MMS19: variants seen among roughly 807,000 people sequenced by gnomAD.
MMS19 encodes MMS19 nucleotide excision repair protein homolog.
Under a neutral mutation model 129.8 loss-of-function variants are expected in MMS19, and 77 were observed. That is an observed-to-expected ratio of 0.59 (90% CI 0.49 to 0.72). The LOEUF is 0.72. Among genes scored for constraint, MMS19 ranks in the 30% least tolerant of loss-of-function variants. The pLI is 0.00. For synonymous variants in MMS19, 491 were observed against 502.8 expected (o/e 0.98, Z 0.31); for missense variants, 1,168 against 1,266.3 (o/e 0.92, Z 1.18).
chr10:97,468,832 C>T, intron 12 of MMS19, 134 bp downstream of exon 12: 2 of 919,914 alleles, frequency 2.2e-6, no homozygotes, highest in Non-Finnish European at 3.2e-6. Context: ...TGGTCTTTAA[C>T]TCCTGACCTC....
At chr10:97,462,216 TCAC>T (rs2032176378) in intron 20 of MMS19, 97 bp from the exon 21 acceptor site, 2 of 818,140 alleles carry the variant, frequency 2.4e-6, no homozygotes, top group South Asian at 3.0e-5. Flanking sequence ...TGAATTAGGA[TCAC>T]CACGTCAATG....
At position 97,462,461 on chromosome 10, in the gene MMS19, G is replaced by A. The variant is rs149018664; in HGVS notation, c.2012+122C>T. 1.2e-4 allele frequency: 86 copies of A among 715,398 alleles called. No homozygotes were observed. The Middle Eastern group carries it at 1.3e-3, about 10-fold the overall frequency. The allele number at this position is 715,398 out of a possible 1,614,324, so 44.3% of individuals were successfully genotyped here. A position where few individuals can be genotyped will look rare whatever the true frequency, so the allele number is the denominator to read the frequency against. ...GTTTTGTCAACAAAACTTACAAGAC[G>A]ATTAACTGCACCACATTTACATATA... On this transcript the variant is annotated intron_variant, in intron 20 of 30. Coordinates refer to ENST00000438925, the MANE Select transcript of MMS19 (RefSeq NM_022362.5).
At position 97,469,695 on chromosome 10, in the gene MMS19, T is replaced by C. The variant is rs1017184015; in HGVS notation, c.875A>G (p.Lys292Arg). 7 of 1,613,886 alleles carry C rather than the reference T, an allele frequency of 4.3e-6. No homozygotes were observed. Among genetic ancestry groups the C allele is most frequent in the Admixed American group, 3.3e-5 (2 of 60,006 alleles). ...LNACCAVYGQ[K>R]ELKDFLPSLW... ...GCTGGGGAGGAAGTCCTTCAGTTCCTTCTGTCCATACACAGCACAGCAAGC... is the reference window on the plus strand; with the variant it reads ...GCTGGGGAGGAAGTCCTTCAGTTCCCTCTGTCCATACACAGCACAGCAAGC... Residue 292 changes from lysine to arginine, a missense_variant, in exon 11 of 31, where the codon AAG (lysine) becomes AGG (arginine). Lys to Arg is a conservative substitution (Grantham distance 26). Transcript: ENST00000438925.
chr10:97,484,912 G>A (rs1450415049), intron 1 of MMS19, among the ~76,000 whole-genome samples: 1 of 152,046 alleles, frequency 6.6e-6, no homozygotes, highest in Non-Finnish European at 1.5e-5. Context: ...CCCAGTAGCT[G>A]GGACCAAAGG....
In MMS19 at chr10:97,468,356, C is replaced by T; in HGVS notation, c.1114G>A (p.Ala372Thr). ...EPDMKLVWPS[A>T]KLLQAAAGAS... is the part of the protein sequence containing the mutation. ...CCTGCAGCTGCCTGCAACAGCTTGG[C>T]ACTAGGCCACACCAGTTTCATGTCC... Residue 372 changes from alanine to threonine, a missense_variant, in exon 13 of 31, where the codon GCC (alanine) becomes ACC (threonine). This residue lies in a region of MMS19 where 831 missense variants were observed against 910.8 expected (regional missense o/e 0.91). Coordinates refer to ENST00000438925, the MANE Select transcript of MMS19 (RefSeq NM_022362.5). The T allele has an allele frequency of 6.2e-7, 1 of 1,612,826 alleles. No individual in the cohort carries two copies. The highest frequency in any genetic ancestry group is 8.5e-7 in the Non-Finnish European group (1 of 1,179,212).
intron 29 of MMS19, 132 bp downstream of exon 29, chr10:97,459,091 C>T (rs988431705): frequency 6.8e-6 from 7 of 1,035,192 alleles, no homozygotes; most frequent in Middle Eastern, 3.2e-4. Flanking sequence ...CCCAGAATTA[C>T]AAGATCTGTA....
rs1237897023 is a variant in MMS19, at chr10:97,462,624, C to T, written c.1971G>A (p.Met657Ile). The change falls in exon 20 of 31, where the codon ATG becomes ATA. Residue 657 changes from methionine to isoleucine, a missense_variant. Around this residue, in one of 3 missense-constraint regions of MMS19, gnomAD observed 831 missense variants for 910.8 expected, o/e 0.91. Coordinates refer to ENST00000438925, the MANE Select transcript of MMS19 (RefSeq NM_022362.5). Reference sequence around the variant, plus strand: ...TTGTAGCAGTGCCAATGACAGACACCATGGCAGCCAACACCTCATCCTCCA... The same window carrying T: ...TTGTAGCAGTGCCAATGACAGACACTATGGCAGCCAACACCTCATCCTCCA... The part of the protein sequence containing the change: ...VLLEDEVLAA[M>I]VSVIGTATTH... 6.2e-7 allele frequency: 1 copy of T among 1,613,946 alleles called. No homozygotes were observed. Among genetic ancestry groups the T allele is most frequent in the Non-Finnish European group, 8.5e-7 (1 of 1,179,864 alleles).
intron 3 of MMS19, among the ~76,000 whole-genome samples, chr10:97,480,555 A>T (rs1273896282): frequency 6.6e-6 from 1 of 152,190 alleles, no homozygotes; most frequent in African/African-American, 2.4e-5. Flanking sequence ...TACACTGAAA[A>T]AACAGTCTAA....
chr10:97,493,172 G>A (rs931298291), intron 1 of MMS19, among the ~76,000 whole-genome samples: 2 of 151,906 alleles, frequency 1.3e-5, no homozygotes, highest in Non-Finnish European at 2.9e-5. Flanking sequence ...ACCATGCTGG[G>A]CTGATTTTTA....
chr10:97,459,849 A>C (rs2031233321), intron 26 of MMS19, 108 bp from the exon 27 acceptor site: 2 of 1,045,950 alleles, frequency 1.9e-6, no homozygotes, highest in Non-Finnish European at 2.9e-6. Context: ...AAACGGGTGA[A>C]AGAGCCCTTC....
chr10:97,481,468 T>C (rs1049530000), intron 2 of MMS19, among the ~76,000 whole-genome samples: 1 of 152,116 alleles, frequency 6.6e-6, no homozygotes, highest in Non-Finnish European at 1.5e-5. Flanking sequence ...AATACGTGTA[T>C]TTCTGTAAAT....
At chr10:97,495,278 G>A (rs1489098998) in intron 1 of MMS19, among the ~76,000 whole-genome samples, 2 of 152,220 alleles carry the variant, frequency 1.3e-5, no homozygotes, top group African/African-American at 4.8e-5. Flanking sequence ...GCTTGCCCAA[G>A]AGGCCTTTAA....
rs11189235 is a variant in MMS19 at position 97,489,825 on chromosome 10, G to A, written c.113-5674C>T. ...CCCTCATGTTTAGACTGGGGTTATG[G>A]GTTTTAAAAAAGAATATCACAGAGG... On this transcript the variant is annotated intron_variant, in intron 1 of 30. Transcript: ENST00000438925. Among the ~76,000 whole-genome samples the A allele has an allele frequency of 5.4e-3, 823 of 152,202 alleles. 9 individuals are homozygous for A. Among genetic ancestry groups the A allele is most frequent in the African/African-American group, 0.019 (785 of 41,520 alleles).
At position 97,477,841 on chromosome 10, in the gene MMS19, C is replaced by CT. The variant is rs1564667297; in HGVS notation, c.423+13dup. 2.5e-6 allele frequency: 4 copies of CT among 1,581,782 alleles called. No homozygotes were observed. In the Admixed American group the frequency reaches 5.6e-5, roughly 22 times the overall value. Reference sequence around the variant, plus strand: ...GAGACAGAGGAGAATACCAACATGACTGTTATCCCTCACCTGTACATGCAC... The same window carrying CT: ...GAGACAGAGGAGAATACCAACATGACTTGTTATCCCTCACCTGTACATGCAC... On this transcript the variant is annotated intron_variant, in intron 5 of 30. Transcript: ENST00000438925.
chr10:97,462,186 G>A lies in MMS19; in HGVS notation c.2013-67C>T, dbSNP rs1171459498. On this transcript the variant is annotated intron_variant, in intron 20 of 30. Coordinates refer to ENST00000438925, the MANE Select transcript of MMS19 (RefSeq NM_022362.5). ...TAAAGCAGCCCTCTCCTCCACAGAC[G>A]TGCTTTTCAACCTAGGGTTTGAATT... 19 of 1,164,446 alleles carry A rather than the reference G, an allele frequency of 1.6e-5. No homozygotes were observed. In the East Asian group the frequency reaches 3.6e-4, roughly 22 times the overall value. 72.1% of individuals were successfully genotyped at this position (1,164,446 alleles called of 1,614,324 possible).
At chr10:97,485,070 C>A (rs139329271) in intron 1 of MMS19, among the ~76,000 whole-genome samples, 1 of 151,744 alleles carries the variant, frequency 6.6e-6, no homozygotes, top group African/African-American at 2.4e-5. Flanking sequence ...CCACTGCGTG[C>A]GACCTAGACA....
intron 1 of MMS19, among the ~76,000 whole-genome samples, chr10:97,487,480 G>A (rs1459715021): frequency 2.0e-5 from 3 of 151,766 alleles, no homozygotes; most frequent in Non-Finnish European, 4.4e-5. Context: ...CACCACACCC[G>A]GCTAATTTTT....
At chr10:97,497,318 T>C (rs1054914748) in intron 1 of MMS19, among the ~76,000 whole-genome samples, 1 of 152,248 alleles carries the variant, frequency 6.6e-6, no homozygotes. Flanking sequence ...GAACAAAGTA[T>C]TATATTTCTA....
upstream of MMS19, chr10:97,498,581 G>T (rs896683432): frequency 3.2e-6 from 2 of 626,328 alleles, no homozygotes; most frequent in African/African-American, 1.9e-5. Flanking sequence ...GAGGGAAGGC[G>T]GCTGCTGGGC....
Sources: gnomAD v4.1 joint callset for allele counts (sites outside exome capture counted in the v4.1 genomes callset) on GRCh38, gnomAD v4.1.1 for gene constraint, gnomAD v4.1.1 regional missense constraint, MANE v1.5 for transcripts, NCBI Gene and HGNC (gene_info 2026-07-23, HGNC 2026-07-21) for gene names.